TNIK: variants seen among roughly 807,000 people sequenced by gnomAD.
TNIK encodes the protein TRAF2 and NCK-interacting protein kinase.
Under a neutral mutation model 191.3 loss-of-function variants are expected in TNIK, and 49 were observed. The ratio of observed to expected loss-of-function variants is 0.26; its 90% CI spans 0.20 to 0.32. TNIK has a LOEUF of 0.32. TNIK is among the 10% of genes least tolerant of loss of function. TNIK has a pLI of 1.00. For synonymous variants in TNIK, 594 were observed against 600.9 expected, an observed-to-expected ratio of 0.99 and a Z score of 0.17; for missense variants, 1,155 against 1,702.3, an observed-to-expected ratio of 0.68 and a Z score of 5.66.
At chr3:171,307,561 T>A (rs527778503) in intron 2 of TNIK, among the ~76,000 whole-genome samples, 2 of 152,206 alleles carry the variant, frequency 1.3e-5, no homozygotes, top group Non-Finnish European at 2.9e-5. Flanking sequence ...TCTTACTTTT[T>A]TACCACTAGT....
intron 12 of TNIK, among the ~76,000 whole-genome samples, chr3:171,145,842 G>A (rs74464950): frequency 0.012 from 1,737 of 147,970 alleles, 30 homozygotes; most frequent in African/African-American, 0.041. Context: ...AGAAAAGTAC[G>A]CACCTACACC....
intron 3 of TNIK, chr3:171,225,789 T>C (rs1577175904): frequency 5.6e-6 from 2 of 357,480 alleles, no homozygotes; most frequent in East Asian, 7.5e-5. Context: ...TCAACACACA[T>C]TTTATGCCCC....
At chr3:171,325,017 C>T (rs1169211747) in intron 2 of TNIK, among the ~76,000 whole-genome samples, 2 of 152,028 alleles carry the variant, frequency 1.3e-5, no homozygotes, top group African/African-American at 2.4e-5. Context: ...AGGAGAATGG[C>T]GTGAATCCAG....
At chr3:171,292,059 T>A (rs902685843) in intron 2 of TNIK, among the ~76,000 whole-genome samples, 1 of 152,226 alleles carries the variant, frequency 6.6e-6, no homozygotes, top group Non-Finnish European at 1.5e-5. Context: ...TTTTTAGATC[T>A]AAGATTTCCC....
chr3:171,283,787 T>C (rs779156480), intron 2 of TNIK, among the ~76,000 whole-genome samples: 10 of 152,034 alleles, frequency 6.6e-5, no homozygotes, highest in Non-Finnish European at 1.2e-4. Context: ...CAGACACACA[T>C]AAGGAAGTCA....
At chr3:171,417,778 C>T (rs184088843) in intron 1 of TNIK, among the ~76,000 whole-genome samples, 220 of 152,322 alleles carry the variant, frequency 1.4e-3, no homozygotes, top group African/African-American at 5.2e-3. Flanking sequence ...ACTGGGACTT[C>T]ACCCCTTCCT....
chr3:171,114,247 AAC>A (rs1430957385), intron 18 of TNIK, among the ~76,000 whole-genome samples: 1 of 152,194 alleles, frequency 6.6e-6, no homozygotes. Flanking sequence ...AGACTTTGTT[AAC>A]AGTTATCATA....
chr3:171,283,332 C>T (rs4894745), intron 2 of TNIK, among the ~76,000 whole-genome samples: 6,752 of 134,680 alleles, frequency 0.05, 218 homozygotes, highest in African/African-American at 0.1. Flanking sequence ...TCTTTTTTCT[C>T]TTTTGATGGG....
chr3:171,141,168 TCATA>T (rs1217519923), intron 12 of TNIK, among the ~76,000 whole-genome samples: 9 of 152,214 alleles, frequency 5.9e-5, no homozygotes, highest in South Asian at 2.1e-4. Flanking sequence ...CGTCATCACC[TCATA>T]CAATTACCAT....
At chr3:171,181,498 G>C (rs1326809224) in intron 7 of TNIK, among the ~76,000 whole-genome samples, 4 of 152,154 alleles carry the variant, frequency 2.6e-5, no homozygotes, top group Admixed American at 6.5e-5. Flanking sequence ...AGCCACACTT[G>C]CCTATCCTGA....
chr3:171,291,019 T>A lies in TNIK; in HGVS notation c.124-62798A>T, dbSNP rs568962163. Reference sequence around the variant, plus strand: ...AACTTACCCATTGTCTTTTTAGCTATGGCTTTTAGCATTATTTTTTTAGTG... The same window carrying A: ...AACTTACCCATTGTCTTTTTAGCTAAGGCTTTTAGCATTATTTTTTTAGTG... On this transcript the variant is annotated intron_variant, in intron 2 of 32. Coordinates refer to ENST00000436636, the MANE Select transcript of TNIK (RefSeq NM_015028.4). Among the ~76,000 whole-genome samples the A allele has an allele frequency of 2.6e-5, 4 of 152,332 alleles. 1 individual carries two copies. In the South Asian group the frequency reaches 8.3e-4, roughly 32 times the overall value.
chr3:171,294,721 CAAT>C (rs969776310), intron 2 of TNIK, among the ~76,000 whole-genome samples: 31 of 151,344 alleles, frequency 2.0e-4, no homozygotes, highest in African/African-American at 6.8e-4. Flanking sequence ...AACTCCATCT[CAAT>C]AATAATAATA....
chr3:171,210,436 G>A (rs959463279), intron 4 of TNIK, among the ~76,000 whole-genome samples: 6 of 152,188 alleles, frequency 3.9e-5, no homozygotes, highest in African/African-American at 9.6e-5. Context: ...AAACTCATTG[G>A]TGGGACAGCC....
intron 15 of TNIK, 56 bp downstream of exon 15, chr3:171,138,135 A>G: frequency 6.8e-7 from 1 of 1,460,196 alleles, no homozygotes; most frequent in Non-Finnish European, 9.0e-7. Flanking sequence ...CTATCACACA[A>G]ACTCATTAGA....
At chr3:171,119,419 G>C (rs1164169918) in intron 18 of TNIK, among the ~76,000 whole-genome samples, 3 of 152,262 alleles carry the variant, frequency 2.0e-5, no homozygotes, top group African/African-American at 7.2e-5. Flanking sequence ...AATACCATTT[G>C]ACCCAGCCAT....
At chr3:171,106,647 C>T (rs372757283) in intron 21 of TNIK, 22 of 527,160 alleles carry the variant, frequency 4.2e-5, no homozygotes, top group Non-Finnish European at 7.5e-5. Context: ...TAATGGAAAA[C>T]GTCTCCACAG....
chr3:171,205,819 G>T (rs1051191734), intron 4 of TNIK, among the ~76,000 whole-genome samples: 1 of 152,136 alleles, frequency 6.6e-6, no homozygotes, highest in African/African-American at 2.4e-5. Context: ...GATCCAGGTT[G>T]CAGACTGTTA....
At chr3:171,223,663 G>C (rs912485049) in intron 3 of TNIK, among the ~76,000 whole-genome samples, 1 of 152,158 alleles carries the variant, frequency 6.6e-6, no homozygotes, top group African/African-American at 2.4e-5. Flanking sequence ...CATGGAACCT[G>C]CTTGGTTAGC....
In TNIK at chr3:171,211,122, T is replaced by C. The variant is rs1261328067; in HGVS notation, c.300A>G (p.Gln100=). The C allele has an allele frequency of 1.2e-6, 2 of 1,612,364 alleles. No homozygotes were observed. Among genetic ancestry groups the C allele is most frequent in the East Asian group, 2.2e-5 (1 of 44,856 alleles). Residue 100 remains glutamine (Q), a synonymous_variant, in exon 4 of 33, where the codon CAA becomes CAG. Coordinates refer to ENST00000436636, the MANE Select transcript of TNIK (RefSeq NM_015028.4). Reference sequence around the variant, plus strand: ...TTTGGACGGCAGTACATACCCAAAGTTGGTCATCCATGCCTGGTGGGTTCT... The same window carrying C: ...TTTGGACGGCAGTACATACCCAAAGCTGGTCATCCATGCCTGGTGGGTTCT... The part of the protein sequence containing the change: ...IKKNPPGMDD[Q]LWLVMEFCGA...
Sources: gnomAD v4.1 joint callset for allele counts (sites outside exome capture counted in the v4.1 genomes callset) on GRCh38, gnomAD v4.1.1 for gene constraint, MANE v1.5 for transcripts, NCBI Gene and HGNC (gene_info 2026-07-23, HGNC 2026-07-21) for gene names.